The following BRINP3 variants were observed in gnomAD, a reference collection of about 807,000 sequenced individuals.
The protein encoded by BRINP3 is BMP/retinoic acid inducible neural specific 3, also known as BMP/retinoic acid-inducible neural-specific protein 3.
In BRINP3, 19 loss-of-function variants were observed where a neutral mutation model predicts 71.0. The observed-to-expected ratio is 0.27, with a 90% CI of 0.19 to 0.39. The LOEUF (loss-of-function observed/expected upper bound fraction) is 0.39, where lower values mean the gene tolerates loss of function less well. BRINP3 is among the 10% of genes least tolerant of loss of function. The pLI, the probability that BRINP3 is intolerant of heterozygous loss-of-function variation, is 1.00. For synonymous variants in BRINP3, 380 were observed against 337.7 expected, an observed-to-expected ratio of 1.13 and a Z score of -1.37; for missense variants, 959 against 940.8, an observed-to-expected ratio of 1.02 and a Z score of -0.25.
chr1:190,227,918 T>C (rs1657553674), intron 5 of BRINP3, among the ~76,000 whole-genome samples: 1 of 151,936 alleles, frequency 6.6e-6, no homozygotes, highest in Admixed American at 6.6e-5. Flanking sequence ...TTTTACCATG[T>C]GGGATACTAA....
intron 2 of BRINP3, among the ~76,000 whole-genome samples, chr1:190,376,461 C>T (rs1459748271): frequency 1.3e-5 from 2 of 151,996 alleles, no homozygotes; most frequent in African/African-American, 4.8e-5. Flanking sequence ...TAACAGATAT[C>T]TGTTTGTGTT....
At chr1:190,238,311 A>G (rs1658720530) in intron 4 of BRINP3, among the ~76,000 whole-genome samples, 1 of 152,028 alleles carries the variant, frequency 6.6e-6, no homozygotes, top group Non-Finnish European at 1.5e-5. Flanking sequence ...TTATTAAAAT[A>G]GAAATAAAGA....
chr1:190,460,710 G>A (rs911142562), intron 1 of BRINP3, among the ~76,000 whole-genome samples: 1 of 152,278 alleles, frequency 6.6e-6, no homozygotes, highest in East Asian at 1.9e-4. Flanking sequence ...GTTAGAACAT[G>A]ATACCTCTGT....
chr1:190,200,106 C>G (rs537871464), intron 6 of BRINP3, among the ~76,000 whole-genome samples: 1 of 152,168 alleles, frequency 6.6e-6, no homozygotes, highest in Non-Finnish European at 1.5e-5. Flanking sequence ...AGCTTTGTTT[C>G]CCTTCTTTGT....
At chr1:190,254,277 A>G (rs1180544624) in intron 4 of BRINP3, among the ~76,000 whole-genome samples, 1 of 132,036 alleles carries the variant, frequency 7.6e-6, no homozygotes, top group African/African-American at 2.6e-5. Flanking sequence ...TATGAACTTT[A>G]AAATAGTTTT....
chr1:190,269,077 T>G (rs1344729134), intron 3 of BRINP3, among the ~76,000 whole-genome samples: 29 of 152,120 alleles, frequency 1.9e-4, no homozygotes, highest in Admixed American at 1.9e-3. Context: ...TTGTAAAATC[T>G]GTATAATTAA....
chr1:190,369,785 A>T (rs1669742929), intron 2 of BRINP3, among the ~76,000 whole-genome samples: 1 of 152,142 alleles, frequency 6.6e-6, no homozygotes, highest in Non-Finnish European at 1.5e-5. Flanking sequence ...CGAATATGTG[A>T]CATAATGGTC....
intron 4 of BRINP3, among the ~76,000 whole-genome samples, chr1:190,244,599 A>T (rs570245938): frequency 6.6e-6 from 1 of 152,224 alleles, no homozygotes; most frequent in East Asian, 1.9e-4. Flanking sequence ...TTGACAGCTA[A>T]TCACAGCTAG....
At chr1:190,100,516 A>AT (rs1651611282) in intron 7 of BRINP3, among the ~76,000 whole-genome samples, 1 of 152,178 alleles carries the variant, frequency 6.6e-6, no homozygotes, top group South Asian at 2.1e-4. Flanking sequence ...AAATGCATGG[A>AT]TTAGCCAAAG....
chr1:190,379,619 C>G (rs1670392886), intron 2 of BRINP3, among the ~76,000 whole-genome samples: 1 of 151,846 alleles, frequency 6.6e-6, no homozygotes, highest in Non-Finnish European at 1.5e-5. Flanking sequence ...ATCAAGGTAG[C>G]TAGGGGATAG....
chr1:190,412,488 A>T (rs1293495100), intron 2 of BRINP3, among the ~76,000 whole-genome samples: 2 of 124,888 alleles, frequency 1.6e-5, no homozygotes, highest in Non-Finnish European at 3.2e-5. Flanking sequence ...TTTGAGACGG[A>T]GTCTCGCTCT....
chr1:190,389,650 G>T (rs1036766899), intron 2 of BRINP3, among the ~76,000 whole-genome samples: 3 of 151,638 alleles, frequency 2.0e-5, no homozygotes, highest in Non-Finnish European at 4.4e-5. Context: ...CAAATGATAA[G>T]CTTAAGGCAC....
At chr1:190,206,451 T>G (rs1655508076) in intron 6 of BRINP3, among the ~76,000 whole-genome samples, 1 of 151,970 alleles carries the variant, frequency 6.6e-6, no homozygotes, top group Admixed American at 6.6e-5. Context: ...TCAAGACATT[T>G]TTAAGAAGTA....
At position 190,099,103 on chromosome 1, in the gene BRINP3, A is replaced by T; in HGVS notation, c.1216T>A (p.Ser406Thr). The T allele has an allele frequency of 6.2e-7, 1 of 1,614,058 alleles. No individual in the cohort carries two copies. The change falls in exon 8 of 8, where the codon TCT (serine) becomes ACT (threonine). Residue 406 changes from serine (S) to threonine (T), a missense_variant. By Grantham distance (58) the Ser-to-Thr change is moderately conservative. Transcript: ENST00000367462. Reference sequence around the variant, plus strand: ...CCGTTCTCATTGCAGTAGAGAAAAGACTGGATGCGAGTAAGCCAGTAGGTT... The same window carrying T: ...CCGTTCTCATTGCAGTAGAGAAAAGTCTGGATGCGAGTAAGCCAGTAGGTT... The part of the protein sequence containing the change: ...TSTYWLTRIQ[S>T]FLYCNENGLL...
chr1:190,262,137 C>T (rs1039049147), intron 4 of BRINP3, among the ~76,000 whole-genome samples: 2 of 152,164 alleles, frequency 1.3e-5, no homozygotes, highest in African/African-American at 4.8e-5. Flanking sequence ...TCAGAGCTGT[C>T]GACTTCCTGC....
chr1:190,158,578 A>C (rs541756785), intron 7 of BRINP3, among the ~76,000 whole-genome samples: 16 of 152,152 alleles, frequency 1.1e-4, no homozygotes, highest in Non-Finnish European at 2.2e-4. Flanking sequence ...TACCTATAAA[A>C]CAAATGTGTA....
chr1:190,248,189 C>G, intron 4 of BRINP3, among the ~76,000 whole-genome samples: 1 of 151,650 alleles, frequency 6.6e-6, no homozygotes, highest in Non-Finnish European at 1.5e-5. Context: ...CTATTAGATT[C>G]GTGCAAACGT....
chr1:190,227,083 A>T (rs1657459260), intron 5 of BRINP3, among the ~76,000 whole-genome samples: 1 of 151,888 alleles, frequency 6.6e-6, no homozygotes. Flanking sequence ...GTTTTTCAGT[A>T]TGTCTGGCTA....
chr1:190,421,876 A>G (rs1287713904), intron 2 of BRINP3, among the ~76,000 whole-genome samples: 1 of 151,716 alleles, frequency 6.6e-6, no homozygotes, highest in Non-Finnish European at 1.5e-5. Flanking sequence ...TTACTTATTT[A>G]TATTTATTTT....
Sources: gnomAD v4.1 joint callset for allele counts (sites outside exome capture counted in the v4.1 genomes callset) on GRCh38, gnomAD v4.1.1 for gene constraint, MANE v1.5 for transcripts, NCBI Gene and HGNC (gene_info 2026-07-23, HGNC 2026-07-21) for gene names.